The following BCAS4 variants were observed in gnomAD, a reference collection of about 807,000 sequenced individuals.
BCAS4 encodes the protein breast carcinoma-amplified sequence 4.
A neutral mutation model predicts 15.7 loss-of-function variants in BCAS4; 9 were observed. The observed-to-expected ratio is 0.57, with a 90% confidence interval of 0.34 to 1.00. BCAS4 has a LOEUF of 1.00. Among genes scored for constraint, BCAS4 ranks in the 50% least tolerant of loss-of-function variants. The probability of loss-of-function intolerance (pLI) is 0.02; values close to 1 mark genes in which losing one functional copy is unlikely to be tolerated. For missense variants in BCAS4, 225 were observed against 239.1 expected, an observed-to-expected ratio of 0.94 and a Z score of 0.39; for synonymous variants, 101 against 99.5, an observed-to-expected ratio of 1.02 and a Z score of -0.09.
At position 50,841,901 on chromosome 20, in the gene BCAS4, G is replaced by T. The variant is rs748308643; in HGVS notation, c.399+1G>T. ...CGCAGGGCTCCCCTCCTTCAGGAAC[G>T]TGAGTATCCTGCCCCGAGAAGTGAG... On this transcript the variant is annotated splice_donor_variant, in intron 4 of 4. Coordinates refer to ENST00000371608, the MANE Select transcript of BCAS4 (RefSeq NM_198799.4). LOFTEE classifies it high-confidence loss of function. The T allele has an allele frequency of 6.3e-7, 1 of 1,575,592 alleles. No individual in the cohort carries two copies. Among genetic ancestry groups the T allele is most frequent in the Non-Finnish European group, 8.6e-7 (1 of 1,159,512 alleles).
In BCAS4 at chr20:50,795,090, C is replaced by T. The variant is rs1241440874; in HGVS notation, c.7C>T (p.Leu3Phe). 8.6e-6 allele frequency: 13 copies of T among 1,504,802 alleles called. No individual in the cohort carries two copies. The highest frequency in any genetic ancestry group is 7.5e-5 in the South Asian group (6 of 80,308). The allele number at this position is 1,504,802 out of a possible 1,614,324, so 93.2% of individuals were successfully genotyped here. The change falls in exon 1 of 5, where the codon CTC (leucine) becomes TTC (phenylalanine). Residue 3 changes from leucine (L) to phenylalanine (F), a missense_variant. Transcript: ENST00000371608. ...GGACCCCGTCGCCCTCCTGATGCTG[C>T]TCGTGGACGCTGATCAGCCGGAGCC... ML[L>F]VDADQPEPMR...
chr20:50,861,085 G>A (rs1225987392), intron 4 of BCAS4, among the ~76,000 whole-genome samples: 6 of 151,930 alleles, frequency 3.9e-5, no homozygotes, highest in Non-Finnish European at 5.9e-5. Flanking sequence ...AGATTTGAGC[G>A]TGGAGTTCAG....
intron 2 of BCAS4, among the ~76,000 whole-genome samples, chr20:50,823,448 T>A (rs1043229463): frequency 6.6e-6 from 1 of 152,176 alleles, no homozygotes; most frequent in Non-Finnish European, 1.5e-5. Context: ...TATGCATATA[T>A]TGGAATACTA....
intron 2 of BCAS4, among the ~76,000 whole-genome samples, chr20:50,829,415 G>A (rs923962228): frequency 6.6e-6 from 1 of 151,998 alleles, no homozygotes; most frequent in African/African-American, 2.4e-5. Context: ...GCTAATGTTT[G>A]TATTTTTAGT....
At chr20:50,859,096 C>G (rs561416485) in intron 4 of BCAS4, among the ~76,000 whole-genome samples, 1 of 151,888 alleles carries the variant, frequency 6.6e-6, no homozygotes, top group Non-Finnish European at 1.5e-5. Flanking sequence ...CCACCATGCC[C>G]GGCTAATTTA....
intron 4 of BCAS4, among the ~76,000 whole-genome samples, chr20:50,871,981 C>T (rs1466450019): frequency 1.3e-5 from 2 of 152,124 alleles, no homozygotes; most frequent in Non-Finnish European, 2.9e-5. Context: ...AAGATGCAGC[C>T]GGGCATGGTG....
chr20:50,827,603 G>A (rs1156520678), intron 2 of BCAS4, among the ~76,000 whole-genome samples: 1 of 152,144 alleles, frequency 6.6e-6, no homozygotes, highest in African/African-American at 2.4e-5. Flanking sequence ...TGGCTTCTGT[G>A]TCCCTTGGGT....
chr20:50,861,846 CTTTTTTTTT>C (rs773052138), intron 4 of BCAS4, among the ~76,000 whole-genome samples: 4 of 109,250 alleles, frequency 3.7e-5, no homozygotes, highest in African/African-American at 1.6e-4. Context: ...TCTTCTTCTC[CTTTTTTTTT>C]TTTTTTTTTT....
intron 4 of BCAS4, among the ~76,000 whole-genome samples, chr20:50,864,199 G>A (rs1457305332): frequency 1.3e-5 from 2 of 152,218 alleles, no homozygotes; most frequent in African/African-American, 4.8e-5. Context: ...TCAAGACAGG[G>A]ATAGCAGAGC....
chr20:50,846,487 G>A (rs1448970679), intron 4 of BCAS4, among the ~76,000 whole-genome samples: 1 of 151,864 alleles, frequency 6.6e-6, no homozygotes, highest in East Asian at 1.9e-4. Context: ...ACCTTTTTGA[G>A]ATCTTAACGT....
intron 1 of BCAS4, among the ~76,000 whole-genome samples, chr20:50,797,434 C>T (rs933087089): frequency 3.3e-5 from 5 of 152,032 alleles, no homozygotes; most frequent in African/African-American, 1.2e-4. Flanking sequence ...GTGGCTTATG[C>T]CTGTAATTCC....
At chr20:50,849,876 C>T (rs767727386) in intron 4 of BCAS4, among the ~76,000 whole-genome samples, 5 of 152,172 alleles carry the variant, frequency 3.3e-5, no homozygotes, top group Non-Finnish European at 5.9e-5. Flanking sequence ...CCTGTAATCC[C>T]AGCACTTTGG....
intron 3 of BCAS4, among the ~76,000 whole-genome samples, chr20:50,836,140 A>G (rs939371823): frequency 6.6e-6 from 1 of 151,748 alleles, no homozygotes; most frequent in Admixed American, 6.6e-5. Flanking sequence ...CTGGTCCCGA[A>G]CTCCTGACCT....
chr20:50,867,871 G>T (rs957330839), intron 4 of BCAS4, among the ~76,000 whole-genome samples: 2 of 152,168 alleles, frequency 1.3e-5, no homozygotes, highest in Non-Finnish European at 2.9e-5. Flanking sequence ...CCAAGATCAT[G>T]CCACTGCACC....
intron 1 of BCAS4, among the ~76,000 whole-genome samples, chr20:50,808,009 G>A (rs2088014694): frequency 6.7e-6 from 1 of 149,802 alleles, no homozygotes; most frequent in Non-Finnish European, 1.5e-5. Context: ...CTGGGTTCAC[G>A]CGATTCTCCT....
At chr20:50,813,799 GA>G (rs914690460) in intron 1 of BCAS4, among the ~76,000 whole-genome samples, 9 of 148,364 alleles carry the variant, frequency 6.1e-5, no homozygotes, top group African/African-American at 1.7e-4. Flanking sequence ...GGGGATGTGG[GA>G]AAAAAAAGTG....
At chr20:50,812,068 T>A (rs1165049118) in intron 1 of BCAS4, among the ~76,000 whole-genome samples, 1 of 152,248 alleles carries the variant, frequency 6.6e-6, no homozygotes, top group Non-Finnish European at 1.5e-5. Flanking sequence ...TACTCTATTG[T>A]AGGGATACAT....
intron 1 of BCAS4, among the ~76,000 whole-genome samples, chr20:50,803,245 T>A (rs961004344): frequency 1.3e-5 from 2 of 152,224 alleles, no homozygotes; most frequent in African/African-American, 2.4e-5. Context: ...GCCAGTGCCA[T>A]AGCGATTCTT....
At chr20:50,840,589 A>G (rs756860342) in intron 3 of BCAS4, 1 of 1,563,438 alleles carries the variant, frequency 6.4e-7, no homozygotes, top group South Asian at 1.1e-5. Context: ...TGGAATGTAC[A>G]GTGCATATTG....
Sources: allele counts gnomAD v4.1 joint callset (sites outside exome capture counted in the v4.1 genomes callset), GRCh38; gene constraint gnomAD v4.1.1; transcripts MANE v1.5; gene names NCBI Gene and HGNC (gene_info 2026-07-23, HGNC 2026-07-21).